APBB2: variants seen among roughly 807,000 people sequenced by gnomAD.
APBB2 encodes the protein amyloid beta precursor protein binding family B member 2.
Under a neutral mutation model 82.5 loss-of-function variants are expected in APBB2, and 38 were observed. The observed-to-expected ratio is 0.46, with a 90% CI of 0.36 to 0.60. The LOEUF (loss-of-function observed/expected upper bound fraction) is 0.60, where lower values mean the gene tolerates loss of function less well. Ranked by LOEUF, APBB2 falls within the 20% of genes least tolerant of loss-of-function variation. APBB2 has a pLI of 0.00. For synonymous variants in APBB2, 341 were observed against 368.2 expected, an observed-to-expected ratio of 0.93 and a Z score of 0.85; for missense variants, 772 against 972.3, an observed-to-expected ratio of 0.79 and a Z score of 2.74.
At position 40,907,371 on chromosome 4, in the gene APBB2, ATATATATATTTTTTTT is replaced by A. The variant is rs1285610918; in HGVS notation, c.1255-13976_1255-13961del. ...TACATATATATATATATATATATAT[ATATATATATTTTTTTT>A]TTTTTTTTTTTTTAGACAGAGTCTC... On this transcript the variant is annotated intron_variant, in intron 10 of 17. Coordinates refer to ENST00000508593, the MANE Select transcript of APBB2 (RefSeq NM_004307.2). 7.4e-3 allele frequency among the ~76,000 whole-genome samples: 318 copies of A among 43,072 alleles called. 1 individual carries two copies. The highest frequency in any genetic ancestry group is 0.031 in the East Asian group (54 of 1,728). The allele number at this position is 43,072 out of a possible 152,430, so 28.3% of individuals were successfully genotyped here. A position where few individuals can be genotyped will look rare whatever the true frequency, so the allele number is the denominator to read the frequency against.
At chr4:41,172,366 A>G (rs1304192227) in intron 1 of APBB2, among the ~76,000 whole-genome samples, 1 of 151,626 alleles carries the variant, frequency 6.6e-6, no homozygotes, top group African/African-American at 2.4e-5. Context: ...CGTAACTTCT[A>G]CTCATCAAGA....
intron 6 of APBB2, among the ~76,000 whole-genome samples, chr4:40,958,114 C>T (rs1389395115): frequency 1.3e-5 from 2 of 152,108 alleles, no homozygotes; most frequent in Non-Finnish European, 2.9e-5. Flanking sequence ...GTCCATCCAT[C>T]CATAAACTTA....
chr4:40,889,725 C>T (rs1771418684), intron 12 of APBB2, among the ~76,000 whole-genome samples: 1 of 152,216 alleles, frequency 6.6e-6, no homozygotes. Context: ...CGTTTCCAAT[C>T]ATCCTGGAGA....
chr4:40,881,534 C>CTTTTTT (rs71198611), intron 12 of APBB2: 45 of 145,864 alleles, frequency 3.1e-4, no homozygotes, highest in African/African-American at 3.9e-4. Context: ...TTTTCTTTTT[C>CTTTTTT]TTTTTTTTTT....
intron 2 of APBB2, among the ~76,000 whole-genome samples, chr4:41,123,243 GA>G (rs1417401058): frequency 2.6e-5 from 4 of 151,972 alleles, no homozygotes; most frequent in Non-Finnish European, 4.4e-5. Flanking sequence ...GTCACTGGCT[GA>G]ACAGTGGCAA....
intron 6 of APBB2, among the ~76,000 whole-genome samples, chr4:40,987,432 T>A (rs568186917): frequency 2.0e-5 from 3 of 152,344 alleles, no homozygotes; most frequent in African/African-American, 7.2e-5. Context: ...ATACTGAACC[T>A]ATTCTTCATT....
Position 40,815,415 on chromosome 4 carries a change from C to T in APBB2, c.*677G>A, listed in dbSNP as rs576190551. 3.9e-5 allele frequency: 6 copies of T among 152,650 alleles called. No homozygotes were observed. The highest frequency in any genetic ancestry group is 2.1e-4 in the South Asian group (1 of 4,830). 9.5% of individuals were successfully genotyped at this position (152,650 alleles called of 1,614,324 possible). On this transcript the variant is annotated 3_prime_UTR_variant, in exon 18 of 18. Transcript: ENST00000508593. ...TATGTTTTGTTCGATTTTAATTCCT[C>T]GAATTTAGTTTTTCATCAATTTTGA...
At chr4:41,083,311 A>G (rs1430421603) in intron 3 of APBB2, among the ~76,000 whole-genome samples, 1 of 152,206 alleles carries the variant, frequency 6.6e-6, no homozygotes, top group African/African-American at 2.4e-5. Flanking sequence ...AAAGACGGGA[A>G]TGAAATACAT....
At chr4:40,858,652 T>G (rs1012048431) in intron 12 of APBB2, among the ~76,000 whole-genome samples, 1 of 152,178 alleles carries the variant, frequency 6.6e-6, no homozygotes, top group African/African-American at 2.4e-5. Flanking sequence ...TACAGACAAC[T>G]TTAATGTTCA....
At chr4:41,149,631 T>C (rs994773612) in intron 1 of APBB2, among the ~76,000 whole-genome samples, 1 of 152,160 alleles carries the variant, frequency 6.6e-6, no homozygotes, top group South Asian at 2.1e-4. Context: ...GACCAAGATG[T>C]TACTCAACTC....
At chr4:40,869,522 A>G (rs1764886105) in intron 12 of APBB2, among the ~76,000 whole-genome samples, 1 of 152,058 alleles carries the variant, frequency 6.6e-6, no homozygotes, top group African/African-American at 2.4e-5. Flanking sequence ...CAGGAGATCC[A>G]GGCTGCAGTG....
intron 7 of APBB2, among the ~76,000 whole-genome samples, chr4:40,940,913 C>T (rs766291956): frequency 4.6e-5 from 7 of 152,276 alleles, no homozygotes; most frequent in South Asian, 2.1e-4. Flanking sequence ...ATGGTTTGGG[C>T]GGGGAGGAGC....
intron 10 of APBB2, among the ~76,000 whole-genome samples, chr4:40,897,055 TAAC>T (rs1328835161): frequency 1.3e-5 from 2 of 152,170 alleles, no homozygotes; most frequent in Non-Finnish European, 2.9e-5. Flanking sequence ...AAGAATTCAG[TAAC>T]AACAAAGAAG....
chr4:40,836,228 G>A (rs778449448), intron 12 of APBB2, among the ~76,000 whole-genome samples: 1 of 152,208 alleles, frequency 6.6e-6, no homozygotes, highest in Non-Finnish European at 1.5e-5. Context: ...TGTAATCCCA[G>A]CATTTTGGGA....
chr4:41,091,520 T>C (rs565176905), intron 3 of APBB2, among the ~76,000 whole-genome samples: 14 of 152,322 alleles, frequency 9.2e-5, no homozygotes, highest in African/African-American at 2.9e-4. Context: ...TGTGGCCTTT[T>C]AGGGGAGCAA....
chr4:40,831,784 C>T (rs566848202), intron 12 of APBB2, among the ~76,000 whole-genome samples: 5 of 152,188 alleles, frequency 3.3e-5, no homozygotes, highest in African/African-American at 7.2e-5. Flanking sequence ...CTCAGAGCGA[C>T]GGCAGCGGCG....
At position 40,827,164 on chromosome 4, in the gene APBB2, C is replaced by G; in HGVS notation, c.1700G>C (p.Arg567Thr). ...KALACSSLQE[R>T]ANVNLDVPLQ... ...AGGGACATCGAGGTTCACATTGGCCCTTTCCTGTAAGGAGCTGCAGGCCAG... is the reference window on the plus strand; with the variant it reads ...AGGGACATCGAGGTTCACATTGGCCGTTTCCTGTAAGGAGCTGCAGGCCAG... Residue 567 changes from arginine (R) to threonine (T), a missense_variant, in exon 14 of 18, where the codon AGG becomes ACG. Arg to Thr is a moderately conservative substitution (Grantham distance 71, BLOSUM62 -1). Transcript: ENST00000508593. 1 of 1,614,196 alleles carries G rather than the reference C, an allele frequency of 6.2e-7. No homozygotes were observed. The highest frequency in any genetic ancestry group is 8.5e-7 in the Non-Finnish European group (1 of 1,180,036).
intron 3 of APBB2, among the ~76,000 whole-genome samples, chr4:41,066,812 C>A (rs181238860): frequency 6.6e-6 from 1 of 152,276 alleles, no homozygotes. Context: ...CTGACTTTAT[C>A]CTGGGTGTAA....
At chr4:40,939,952 AG>A (rs1786403022) in intron 7 of APBB2, among the ~76,000 whole-genome samples, 1 of 152,222 alleles carries the variant, frequency 6.6e-6, no homozygotes. Flanking sequence ...TACAATGTAG[AG>A]GGGGCCAGGA....
Sources: allele counts gnomAD v4.1 joint callset (sites outside exome capture counted in the v4.1 genomes callset), GRCh38; gene constraint gnomAD v4.1.1; transcripts MANE v1.5; gene names NCBI Gene and HGNC (gene_info 2026-07-23, HGNC 2026-07-21).